Variants in NAV1 observed in about 807,000 individuals in gnomAD.
NAV1 encodes pore membrane and/or filament interacting like protein 3.
In NAV1, 18 loss-of-function variants were observed where a neutral mutation model predicts 175.2. The observed-to-expected ratio is 0.10, with a 90% CI of 0.07 to 0.15. The LOEUF is 0.15. Among genes scored for constraint, NAV1 ranks in the 10% least tolerant of loss-of-function variants. The probability of loss-of-function intolerance (pLI) is 1.00; values close to 1 mark genes in which losing one functional copy is unlikely to be tolerated. For synonymous variants in NAV1, 897 were observed against 978.7 expected (o/e 0.92, Z 1.56); for missense variants, 1,731 against 2,436.6 (o/e 0.71, Z 6.10).
chr1:201,817,891 TG>T (rs1679155292), intron 29 of NAV1, among the ~76,000 whole-genome samples: 1 of 152,096 alleles, frequency 6.6e-6, no homozygotes, highest in Non-Finnish European at 1.5e-5. Flanking sequence ...AGAAAAAGAC[TG>T]GTATCTAAAA....
chr1:201,741,149 T>C (rs889221939), intron 3 of NAV1, among the ~76,000 whole-genome samples: 1 of 152,152 alleles, frequency 6.6e-6, no homozygotes, highest in Admixed American at 6.5e-5. Context: ...CAATTACAAC[T>C]GTGCACACAA....
At chr1:201,760,501 C>A (rs1674772304) in intron 3 of NAV1, among the ~76,000 whole-genome samples, 1 of 151,872 alleles carries the variant, frequency 6.6e-6, no homozygotes, top group Non-Finnish European at 1.5e-5. Flanking sequence ...GACAAGAGTT[C>A]TTTTTGTGTG....
At chr1:201,558,346 C>G (rs980597002) in intron 1 of NAV1, among the ~76,000 whole-genome samples, 1 of 152,080 alleles carries the variant, frequency 6.6e-6, no homozygotes, top group Non-Finnish European at 1.5e-5. Context: ...ATGAATGAGC[C>G]CAGTGCTCAG....
chr1:201,629,449 G>A (rs1571853001), exon 2 of NAV1: 1 of 1,304,286 alleles, frequency 7.7e-7, no homozygotes, highest in African/African-American at 1.5e-5. Context: ...AGGGCAGCTG[G>A]CCCCTTGATG....
At chr1:201,641,964 C>G (rs535929709) in intron 2 of NAV1, among the ~76,000 whole-genome samples, 106 of 147,694 alleles carry the variant, frequency 7.2e-4, no homozygotes, top group Middle Eastern at 3.8e-3. Flanking sequence ...CCCTTCCTTC[C>G]TTTCTCTCTC....
chr1:201,582,154 G>A (rs1421160097), intron 1 of NAV1, among the ~76,000 whole-genome samples: 1 of 152,236 alleles, frequency 6.6e-6, no homozygotes, highest in Non-Finnish European at 1.5e-5. Context: ...CAGCAAAAGA[G>A]GAGCCATGCA....
chr1:201,728,677 T>A (rs1672720089), intron 3 of NAV1, among the ~76,000 whole-genome samples: 1 of 150,708 alleles, frequency 6.6e-6, no homozygotes, highest in Non-Finnish European at 1.5e-5. Flanking sequence ...CCCAGGCTGG[T>A]CTCAAACTCC....
intron 1 of NAV1, among the ~76,000 whole-genome samples, chr1:201,625,292 T>A (rs1212671174): frequency 6.6e-6 from 1 of 152,222 alleles, no homozygotes; most frequent in African/African-American, 2.4e-5. Context: ...TGAATTAGAT[T>A]TACTTGGTGC....
intron 1 of NAV1, among the ~76,000 whole-genome samples, chr1:201,666,684 TGG>T (rs1200418430): frequency 6.6e-6 from 1 of 152,130 alleles, no homozygotes; most frequent in East Asian, 1.9e-4. Flanking sequence ...ACCTGTACCC[TGG>T]GGGAGAAAGA....
intron 1 of NAV1, among the ~76,000 whole-genome samples, chr1:201,697,840 T>C (rs950758698): frequency 2.0e-5 from 3 of 152,352 alleles, no homozygotes; most frequent in South Asian, 2.1e-4. Flanking sequence ...CCCACTGTGT[T>C]TGAGGTGTCA....
chr1:201,614,624 T>C (rs984724664), intron 2 of NAV1, among the ~76,000 whole-genome samples: 3 of 152,228 alleles, frequency 2.0e-5, no homozygotes, highest in Non-Finnish European at 4.4e-5. Flanking sequence ...TGCAGAGCTT[T>C]AATGGCCAGG....
At chr1:201,545,803 A>G (rs1381285512) in intron 1 of NAV1, among the ~76,000 whole-genome samples, 1 of 152,256 alleles carries the variant, frequency 6.6e-6, no homozygotes, top group African/African-American at 2.4e-5. Flanking sequence ...GAAGGGATAA[A>G]TGAAGGCATA....
At chr1:201,703,102 G>A in intron 1 of NAV1, among the ~76,000 whole-genome samples, 1 of 152,196 alleles carries the variant, frequency 6.6e-6, no homozygotes, top group East Asian at 1.9e-4. Flanking sequence ...CCTGCAGATG[G>A]TTCTCTCTGC....
chr1:201,669,416 T>C (rs780603271), intron 1 of NAV1, among the ~76,000 whole-genome samples: 2 of 151,884 alleles, frequency 1.3e-5, no homozygotes, highest in Non-Finnish European at 2.9e-5. Flanking sequence ...CCGAGGAGGC[T>C]CAAGTATTTG....
At chr1:201,802,473 AAAAG>A (rs1553278351) in intron 15 of NAV1, among the ~76,000 whole-genome samples, 3 of 113,082 alleles carry the variant, frequency 2.7e-5, no homozygotes, top group Non-Finnish European at 5.5e-5. Context: ...AAAAAAAAAA[AAAAG>A]AAAGAAAGAA....
At chr1:201,733,893 AAG>A (rs1672974030) in intron 3 of NAV1, among the ~76,000 whole-genome samples, 1 of 152,192 alleles carries the variant, frequency 6.6e-6, no homozygotes, top group Admixed American at 6.5e-5. Flanking sequence ...CTTTTCTTCC[AAG>A]AGAGAGGAAG....
intron 1 of NAV1, among the ~76,000 whole-genome samples, chr1:201,677,483 C>T (rs1008051651): frequency 6.6e-6 from 1 of 152,082 alleles, no homozygotes; most frequent in African/African-American, 2.4e-5. Flanking sequence ...TACCCCACCC[C>T]GTCCCCCTCA....
Position 201,813,265 on chromosome 1 carries a change from C to A in NAV1, c.5340+7C>A. 1.3e-6 allele frequency: 2 copies of A among 1,567,518 alleles called. No homozygotes were observed. The highest frequency in any genetic ancestry group is 1.8e-6 in the Non-Finnish European group (2 of 1,139,602). On this transcript the variant is annotated splice_region_variant and intron_variant, in intron 28 of 29. Coordinates refer to ENST00000367296, the Ensembl canonical transcript of NAV1. The surrounding 1 kb of genome is among the most constrained non-coding windows in gnomAD (Gnocchi z 4.2). Reference sequence around the variant, plus strand: ...AGCCAAGGATGGGATAAAGGTGAGCCCTACCCCCTTCACTCAAACCCTAAG... The same window carrying A: ...AGCCAAGGATGGGATAAAGGTGAGCACTACCCCCTTCACTCAAACCCTAAG...
intron 3 of NAV1, among the ~76,000 whole-genome samples, chr1:201,761,989 C>CA (rs1370040754): frequency 6.7e-6 from 1 of 150,242 alleles, no homozygotes; most frequent in African/African-American, 2.5e-5. Context: ...CTTGTCTCTA[C>CA]AAAAAAATTA....
Sources: gnomAD v4.1 joint callset for allele counts (sites outside exome capture counted in the v4.1 genomes callset) on GRCh38, gnomAD v4.1.1 for gene constraint, Gnocchi (gnomAD v3.1) non-coding constraint, MANE v1.5 for transcripts, NCBI Gene and HGNC (gene_info 2026-07-23, HGNC 2026-07-21) for gene names.